The following KLHL13 variants were observed in gnomAD, a reference collection of about 807,000 sequenced individuals.
The protein encoded by KLHL13 is kelch-like protein 13.
A neutral mutation model predicts 37.1 loss-of-function variants in KLHL13; 10 were observed. The ratio of observed to expected loss-of-function variants is 0.27; its 90% CI spans 0.17 to 0.46. KLHL13 has a LOEUF of 0.46. Ranked by LOEUF, KLHL13 falls within the 20% of genes least tolerant of loss-of-function variation. KLHL13 has a pLI of 1.00. For missense variants in KLHL13, 360 were observed against 509.3 expected, an observed-to-expected ratio of 0.71 and a Z score of 2.82; for synonymous variants, 163 against 181.2, an observed-to-expected ratio of 0.90 and a Z score of 0.81.
intron 1 of KLHL13, among the ~76,000 whole-genome samples, chrX:118,080,764 A>G (rs928617704): frequency 8.9e-6 from 1 of 112,145 alleles, no homozygotes; most frequent in Non-Finnish European, 1.9e-5. Context: ...TACTGGGTAC[A>G]TACCCAAAGG....
intron 1 of KLHL13, among the ~76,000 whole-genome samples, chrX:118,031,899 C>T (rs891301546): frequency 9.2e-5 from 10 of 109,198 alleles, no homozygotes; most frequent in African/African-American, 3.0e-4. Context: ...GTGCGCGAGC[C>T]GAAGCAGGGC....
At chrX:117,988,610 G>T (rs936136822) in intron 1 of KLHL13, among the ~76,000 whole-genome samples, 26 of 111,817 alleles carry the variant, frequency 2.3e-4, no homozygotes, top group Non-Finnish European at 4.3e-4. Flanking sequence ...TGGGGAAGAT[G>T]GGGGTCAAAG....
chrX:118,053,804 A>T (rs866532788), intron 1 of KLHL13, among the ~76,000 whole-genome samples: 46 of 56,751 alleles, frequency 8.1e-4, no homozygotes, highest in African/African-American at 3.3e-3. Flanking sequence ...TGTGTGAGAG[A>T]GAGAGAGAGA....
chrX:118,116,125 T>TA (rs1479545099), intron 1 of KLHL13, among the ~76,000 whole-genome samples: 1 of 110,940 alleles, frequency 9.0e-6, no homozygotes, highest in Non-Finnish European at 1.9e-5. Context: ...CAGAAACTGT[T>TA]AGAGGGCAAG....
At chrX:118,067,683 C>A (rs766209645) in intron 1 of KLHL13, among the ~76,000 whole-genome samples, 76 of 110,363 alleles carry the variant, frequency 6.9e-4, no homozygotes, top group African/African-American at 2.3e-3. Context: ...TAGGCCTACA[C>A]AGGGTCAGGA....
exon 5 of KLHL13, chrX:117,909,466 C>G: frequency 8.3e-7 from 1 of 1,211,496 alleles, no homozygotes; most frequent in East Asian, 3.0e-5. Context: ...CCTTTTGTAT[C>G]ATAATTACTC....
intron 1 of KLHL13, among the ~76,000 whole-genome samples, chrX:117,955,206 G>C (rs1029018381): frequency 7.2e-5 from 8 of 111,764 alleles, no homozygotes; most frequent in African/African-American, 2.6e-4. Context: ...GGGAACAGGA[G>C]ATTCATTAAT....
intron 1 of KLHL13, among the ~76,000 whole-genome samples, chrX:118,031,196 T>C (rs1183862387): frequency 1.8e-5 from 2 of 109,979 alleles, no homozygotes; most frequent in African/African-American, 6.6e-5. Context: ...TTGGTTTCTC[T>C]CAGAAGTTCA....
At chrX:118,104,901 A>G (rs1347809058) in intron 1 of KLHL13, among the ~76,000 whole-genome samples, 1 of 112,812 alleles carries the variant, frequency 8.9e-6, no homozygotes, top group Non-Finnish European at 1.9e-5. Context: ...TGATGAGTGA[A>G]TTATATCTTA....
intron 4 of KLHL13, among the ~76,000 whole-genome samples, chrX:117,917,794 C>G (rs778397917): frequency 1.8e-5 from 2 of 111,587 alleles, no homozygotes; most frequent in Non-Finnish European, 3.8e-5. Flanking sequence ...TGATTAGTTC[C>G]AAAGAAATCA....
chrX:117,997,616 C>A lies in KLHL13; in HGVS notation c.-55-52041G>T, dbSNP rs12841189. 7.0e-3 allele frequency among the ~76,000 whole-genome samples: 787 copies of A among 111,804 alleles called. 11 individuals are homozygous for A. Among genetic ancestry groups the A allele is most frequent in the African/African-American group, 0.024 (746 of 30,797 alleles). On this transcript the variant is annotated intron_variant, in intron 1 of 6. Coordinates refer to the KLHL13 transcript ENST00000371882. ...TATATGTAAAGTACGTATTGCAAGGCTCATTTGTGCCACAAACATTTAATA... is the reference window on the plus strand; with the variant it reads ...TATATGTAAAGTACGTATTGCAAGGATCATTTGTGCCACAAACATTTAATA...
rs73595684 is a variant in KLHL13 at position 117,979,683 on chromosome X, T to C, written c.-55-34108A>G. ...AAGCAGAGGTCAAGAGGGATATTTATCTGTTAATTTGATAATTTTAGGCTA... is the reference window on the plus strand; with the variant it reads ...AAGCAGAGGTCAAGAGGGATATTTACCTGTTAATTTGATAATTTTAGGCTA... On this transcript the variant is annotated intron_variant, in intron 1 of 6. Transcript: ENST00000371882. Among the ~76,000 whole-genome samples the C allele has an allele frequency of 5.9e-3, 656 of 111,700 alleles. 9 individuals are homozygous for C. Among genetic ancestry groups the C allele is most frequent in the African/African-American group, 0.02 (616 of 30,858 alleles).
At chrX:117,929,938 G>C (rs957676584) in intron 2 of KLHL13, among the ~76,000 whole-genome samples, 1 of 109,113 alleles carries the variant, frequency 9.2e-6, no homozygotes, top group Middle Eastern at 4.6e-3. Context: ...CTCCAGTCTG[G>C]GTGACAGAAT....
intron 1 of KLHL13, among the ~76,000 whole-genome samples, chrX:118,048,368 A>T (rs1250318715): frequency 2.7e-5 from 3 of 111,555 alleles, no homozygotes; most frequent in Non-Finnish European, 5.7e-5. Flanking sequence ...GACAAAAATA[A>T]TAAGGGAAAT....
intron 1 of KLHL13, among the ~76,000 whole-genome samples, chrX:117,959,363 A>G (rs1438018106): frequency 8.9e-6 from 1 of 112,111 alleles, no homozygotes; most frequent in African/African-American, 3.2e-5. Flanking sequence ...TATACTTTTC[A>G]AAATTGTATT....
intron 1 of KLHL13, among the ~76,000 whole-genome samples, chrX:118,087,380 C>T (rs1198690020): frequency 1.8e-5 from 2 of 109,435 alleles, no homozygotes; most frequent in Non-Finnish European, 3.8e-5. Context: ...ACTGAATCTA[C>T]TCTTTAAAAT....
chrX:118,095,343 C>A (rs1343457547), intron 1 of KLHL13, among the ~76,000 whole-genome samples: 168 of 107,709 alleles, frequency 1.6e-3, no homozygotes, highest in Non-Finnish European at 2.3e-3. Flanking sequence ...AGAGCTAACT[C>A]TCCTAAATAT....
intron 1 of KLHL13, among the ~76,000 whole-genome samples, chrX:117,995,800 C>A (rs2053848099): frequency 9.0e-6 from 1 of 111,420 alleles, no homozygotes; most frequent in Admixed American, 9.6e-5. Flanking sequence ...ATTTTGGAGG[C>A]TCATCCACCA....
Position 118,018,866 on chromosome X carries a change from C to T in KLHL13, c.-55-73291G>A, listed in dbSNP as rs192354838. 1.5e-3 allele frequency among the ~76,000 whole-genome samples: 170 copies of T among 111,216 alleles called. 2 individuals carry two copies. The highest frequency in any genetic ancestry group is 5.3e-3 in the African/African-American group (163 of 30,814). The stretch of plus-strand genomic sequence containing the variant: ...ATTTTTTATAACTCATTAGTTCTAG[C>T]ACTAAGGGGTTGTTTTTAAGACTTA... On this transcript the variant is annotated intron_variant, in intron 1 of 6. Transcript: ENST00000371882.
Sources: allele counts gnomAD v4.1 joint callset (sites outside exome capture counted in the v4.1 genomes callset), GRCh38; gene constraint gnomAD v4.1.1; transcripts MANE v1.5; gene names NCBI Gene and HGNC (gene_info 2026-07-23, HGNC 2026-07-21).